The following LRRC9 variants were observed in gnomAD, a reference collection of about 807,000 sequenced individuals.
LRRC9 encodes leucine-rich repeat-containing protein 9.
LRRC9 carries 122 observed loss-of-function variants against 63.2 expected under a neutral mutation model. The ratio of observed to expected loss-of-function variants is 1.93; its 90% CI spans 1.67 to 2.24. LRRC9 has a LOEUF of 2.24. LRRC9 is among the 30% of genes most tolerant of loss of function. The pLI is 0.00. For missense variants in LRRC9, 1,071 were observed against 627.7 expected (o/e 1.71, Z -7.55); for synonymous variants, 366 against 213.1 (o/e 1.72, Z -6.25).
At chr14:59,925,230 G>A (rs1488388742) in intron 1 of LRRC9, among the ~76,000 whole-genome samples, 1 of 152,080 alleles carries the variant, frequency 6.6e-6, no homozygotes, top group East Asian at 1.9e-4. Context: ...CGTCCATTTT[G>A]TGCTGCTATA....
intron 12 of LRRC9, among the ~76,000 whole-genome samples, chr14:59,968,907 TGGCTA>T (rs1467089339): frequency 6.6e-6 from 1 of 152,150 alleles, no homozygotes; most frequent in African/African-American, 2.4e-5. Flanking sequence ...ATTTGAAATG[TGGCTA>T]GTCCAAATTG....
chr14:59,973,692 T>A (rs1885787138), intron 12 of LRRC9, among the ~76,000 whole-genome samples: 1 of 152,144 alleles, frequency 6.6e-6, no homozygotes, highest in South Asian at 2.1e-4. Flanking sequence ...ATTTTTTTCC[T>A]GAATATTTTC....
In LRRC9 at chr14:59,981,711, T is replaced by C. The variant is rs150068658; in HGVS notation, c.1879-137T>C. ...CAATTTTAATCTGCTCTCATAGATG[T>C]CCTAATGTGATTCTGATAATCACAG... is the stretch of plus-strand genomic sequence containing the variant. On this transcript the variant is annotated intron_variant, in intron 15 of 31. Coordinates refer to ENST00000445360, the Ensembl canonical transcript of LRRC9. 36 of 605,848 alleles carry C rather than the reference T, an allele frequency of 5.9e-5. No homozygotes were observed. In the East Asian group the frequency reaches 9.0e-4, roughly 15 times the overall value. 37.5% of individuals were successfully genotyped at this position (605,848 alleles called of 1,614,324 possible).
chr14:59,985,121 G>T, exon 17 of LRRC9: 1 of 681,326 alleles, frequency 1.5e-6, no homozygotes, highest in Non-Finnish European at 2.7e-6. Flanking sequence ...AATCTACATG[G>T]AAACAGCTTG....
chr14:60,030,753 A>G (rs1474441782), intron 28 of LRRC9, among the ~76,000 whole-genome samples: 4 of 152,040 alleles, frequency 2.6e-5, no homozygotes, highest in African/African-American at 9.7e-5. Context: ...AGCCAATTTC[A>G]GGCTAACACA....
chr14:60,023,549 T>A (rs540486129), intron 27 of LRRC9, among the ~76,000 whole-genome samples: 1 of 152,090 alleles, frequency 6.6e-6, no homozygotes, highest in East Asian at 1.9e-4. Flanking sequence ...CTAAGAGTTA[T>A]AAATCCTCTA....
rs1288931086 is a variant in LRRC9 at position 60,060,049 on chromosome 14, T to C, written c.4276+2027T>C. ...GGCTAGTGCAGCTGGTGACTTTAAG[T>C]TGAATACATTGCTCAACTTAAAGAA... On this transcript the variant is annotated intron_variant, in intron 31 of 31. Transcript: ENST00000445360. This position sits in a 1 kb window ranked among gnomAD's most constrained non-coding sequence, Gnocchi z 4.0. 2.0e-5 allele frequency among the ~76,000 whole-genome samples: 3 copies of C among 152,202 alleles called. No individual in the cohort carries two copies. Among genetic ancestry groups the C allele is most frequent in the African/African-American group, 7.2e-5 (3 of 41,444 alleles).
intron 29 of LRRC9, among the ~76,000 whole-genome samples, chr14:60,034,565 T>C (rs1262991441): frequency 6.6e-6 from 1 of 152,166 alleles, no homozygotes; most frequent in Non-Finnish European, 1.5e-5. Flanking sequence ...GATCCACTTT[T>C]TTAGCTCCCA....
At chr14:59,985,144 G>A in exon 17 of LRRC9, 2 of 690,728 alleles carry the variant, frequency 2.9e-6, no homozygotes, top group Non-Finnish European at 5.3e-6. Context: ...TAAATTGAGA[G>A]ATCTCTCCAA....
intron 1 of LRRC9, among the ~76,000 whole-genome samples, chr14:59,921,167 A>T (rs546907346): frequency 6.6e-6 from 1 of 152,102 alleles, no homozygotes; most frequent in East Asian, 1.9e-4. Flanking sequence ...GAAACAGCCC[A>T]TGCCAAAGTA....
Position 60,031,924 on chromosome 14 carries a change from C to G in LRRC9, c.3922-71C>G. ...GCAAACTAACACTTACATATAATTA[C>G]TTCAAATTAGTCTATATTTTAAGAT... On this transcript the variant is annotated intron_variant, in intron 28 of 31. Transcript: ENST00000445360. The surrounding 1 kb of genome is among the most constrained non-coding windows in gnomAD (Gnocchi z 4.6). 1 of 671,830 alleles carries G rather than the reference C, an allele frequency of 1.5e-6. No homozygotes were observed. The highest frequency in any genetic ancestry group is 2.7e-5 in the East Asian group (1 of 36,834). 41.6% of individuals were successfully genotyped at this position (671,830 alleles called of 1,614,324 possible).
chr14:60,031,992 T>C lies in LRRC9; in HGVS notation c.3922-3T>C, dbSNP rs1220344495. 4 of 699,078 alleles carry C rather than the reference T, an allele frequency of 5.7e-6. No homozygotes were observed. Among genetic ancestry groups the C allele is most frequent in the Admixed American group, 2.0e-5 (1 of 49,626 alleles). 43.3% of individuals were successfully genotyped at this position (699,078 alleles called of 1,614,324 possible). On this transcript the variant is annotated splice_polypyrimidine_tract_variant and splice_region_variant and intron_variant, in intron 28 of 31. Transcript: ENST00000445360. This position sits in a 1 kb window ranked among gnomAD's most constrained non-coding sequence, Gnocchi z 4.6. ...AATAACTTACTGATTAACTTTTGAA[T>C]AGGATATCACAGAACTGGAAAAACT...
intron 29 of LRRC9, among the ~76,000 whole-genome samples, chr14:60,044,753 G>A (rs1893262492): frequency 6.6e-6 from 1 of 152,166 alleles, no homozygotes; most frequent in African/African-American, 2.4e-5. Context: ...AAAAGAATGT[G>A]TATTCTGAAG....
intron 25 of LRRC9, among the ~76,000 whole-genome samples, chr14:60,018,686 A>G (rs1890887329): frequency 6.6e-6 from 1 of 151,888 alleles, no homozygotes; most frequent in Non-Finnish European, 1.5e-5. Context: ...TGATTGTCAC[A>G]TATTTAGTAA....
At chr14:59,925,949 C>T (rs887786316) in intron 1 of LRRC9, among the ~76,000 whole-genome samples, 1 of 152,148 alleles carries the variant, frequency 6.6e-6, no homozygotes, top group African/African-American at 2.4e-5. Context: ...AGTGAATTCT[C>T]ACAAGATCTG....
chr14:60,007,714 A>G (rs1262240449), intron 22 of LRRC9, among the ~76,000 whole-genome samples: 1 of 152,162 alleles, frequency 6.6e-6, no homozygotes, highest in Non-Finnish European at 1.5e-5. Context: ...CTGATTATAT[A>G]ACATAGACCA....
intron 8 of LRRC9, among the ~76,000 whole-genome samples, chr14:59,953,615 G>A (rs1056139734): frequency 1.3e-5 from 2 of 152,136 alleles, no homozygotes; most frequent in Non-Finnish European, 2.9e-5. Context: ...TAGGTGGCCT[G>A]TTCAATCTGA....
exon 12 of LRRC9, chr14:59,967,127 T>C (rs1286351320): frequency 1.5e-6 from 1 of 647,634 alleles, no homozygotes; most frequent in East Asian, 2.7e-5. Flanking sequence ...ATGCCTTTTT[T>C]ATGTTTTTGA....
chr14:59,969,164 T>A (rs1292486878), intron 12 of LRRC9: 2 of 152,264 alleles, frequency 1.3e-5, no homozygotes, highest in Admixed American at 1.3e-4. Context: ...TAAATATTTT[T>A]ATTTTTGAAT....
Sources: gnomAD v4.1 joint callset for allele counts (sites outside exome capture counted in the v4.1 genomes callset) on GRCh38, gnomAD v4.1.1 for gene constraint, Gnocchi (gnomAD v3.1) non-coding constraint, MANE v1.5 for transcripts, NCBI Gene and HGNC (gene_info 2026-07-23, HGNC 2026-07-21) for gene names.